XIRP2: variants seen among roughly 807,000 people sequenced by gnomAD.
XIRP2 encodes xin actin-binding repeat-containing protein 2.
Under a neutral mutation model 277.0 loss-of-function variants are expected in XIRP2, and 236 were observed. The ratio of observed to expected loss-of-function variants is 0.85; its 90% CI spans 0.77 to 0.95. The LOEUF is 0.95. Ranked by LOEUF, XIRP2 falls within the 40% of genes least tolerant of loss-of-function variation. The pLI, the probability that XIRP2 is intolerant of heterozygous loss-of-function variation, is 0.00. For missense variants in XIRP2, 4,640 were observed against 4,157.5 expected (o/e 1.12, Z -3.19); for synonymous variants, 1,490 against 1,416.5 (o/e 1.05, Z -1.17).
intron 5 of XIRP2, among the ~76,000 whole-genome samples, chr2:167,223,818 T>G (rs1339009225): frequency 6.6e-6 from 1 of 152,178 alleles, no homozygotes; most frequent in Non-Finnish European, 1.5e-5. Context: ...AAAGTGATTC[T>G]TATAACTTAA....
chr2:166,897,448 C>T (rs755514586), intron 1 of XIRP2, among the ~76,000 whole-genome samples: 11 of 152,006 alleles, frequency 7.2e-5, no homozygotes, highest in East Asian at 1.9e-4. Flanking sequence ...AACATATCAC[C>T]GTGACCTACT....
At chr2:167,218,138 A>G in intron 4 of XIRP2, 28 bp from the exon 5 acceptor site, 1 of 1,509,482 alleles carries the variant, frequency 6.6e-7, no homozygotes, top group Non-Finnish European at 8.9e-7. Flanking sequence ...TGTAAAGCTG[A>G]ATTTTCCTTT....
intron 5 of XIRP2, among the ~76,000 whole-genome samples, chr2:167,228,558 G>GA (rs1042500844): frequency 1.3e-5 from 2 of 151,858 alleles, no homozygotes; most frequent in African/African-American, 4.8e-5. Flanking sequence ...TTACTTTGCT[G>GA]AAAAAAAACT....
At chr2:167,212,056 A>G (rs1012689836) in intron 4 of XIRP2, among the ~76,000 whole-genome samples, 3 of 152,204 alleles carry the variant, frequency 2.0e-5, no homozygotes, top group Non-Finnish European at 4.4e-5. Context: ...TTTAGAGACA[A>G]GGCTGACTGT....
intron 3 of XIRP2, among the ~76,000 whole-genome samples, chr2:167,148,350 C>G (rs529045489): frequency 9.1e-5 from 13 of 142,814 alleles, no homozygotes; most frequent in Admixed American, 1.4e-4. Context: ...CCATTGCACT[C>G]CAGTGTGGGT....
intron 2 of XIRP2, among the ~76,000 whole-genome samples, chr2:167,091,129 G>A (rs1558976663): frequency 6.6e-6 from 1 of 152,072 alleles, no homozygotes; most frequent in South Asian, 2.1e-4. Context: ...GAGCTGGAAT[G>A]CTACTTCTTT....
intron 5 of XIRP2, among the ~76,000 whole-genome samples, chr2:167,227,440 C>A (rs1014580414): frequency 6.6e-6 from 1 of 152,126 alleles, no homozygotes; most frequent in African/African-American, 2.4e-5. Flanking sequence ...ATAATCCCAG[C>A]ACTTTGGGAG....
In XIRP2 at chr2:167,244,698, A is replaced by G; in HGVS notation, c.3306A>G (p.Pro1102=). ...GTAAATGGCTTTTTGAGACCCAGCC[A>G]ATGGAGTCTCTTTATGAAAAAGTTT... The part of the protein sequence containing the change: ...KTCKWLFETQ[P]MESLYEKVSL... The change falls in exon 9 of 11, where the codon CCA becomes CCG. Residue 1102 remains proline (P), a synonymous_variant. Coordinates refer to ENST00000409195, the MANE Select transcript of XIRP2 (RefSeq NM_152381.6). The G allele has an allele frequency of 6.2e-7, 1 of 1,613,546 alleles. No homozygotes were observed. Among genetic ancestry groups the G allele is most frequent in the Non-Finnish European group, 8.5e-7 (1 of 1,179,720 alleles).
chr2:167,148,120 G>A (rs368150721), intron 3 of XIRP2, among the ~76,000 whole-genome samples: 5 of 152,062 alleles, frequency 3.3e-5, no homozygotes, highest in Admixed American at 6.6e-5. Flanking sequence ...GGTGGCTCAC[G>A]ACTGTAACCT....
rs202066016 is a variant in XIRP2 at position 167,246,966 on chromosome 2, G to A, written c.5574G>A (p.Thr1858=). 613 of 1,613,370 alleles carry A rather than the reference G, an allele frequency of 3.8e-4. 1 individual carries two copies. Among genetic ancestry groups the A allele is most frequent in the Middle Eastern group, 5.0e-4 (3 of 6,060 alleles). ...AGGCTGTAAATCAGAAAACAGTGAC[G>A]AAAACAGAAGAAATTATAAAAGGTA... is the stretch of plus-strand genomic sequence containing the variant. ...LSQAVNQKTV[T]KTEEIIKGNM... is the part of the protein sequence containing the mutation. The change falls in exon 9 of 11, where the codon ACG becomes ACA. Residue 1858 remains threonine, a synonymous_variant. Coordinates refer to ENST00000409195, the MANE Select transcript of XIRP2 (RefSeq NM_152381.6).
chr2:167,188,693 T>C (rs1278090782), intron 3 of XIRP2, among the ~76,000 whole-genome samples: 2 of 152,362 alleles, frequency 1.3e-5, no homozygotes, highest in East Asian at 3.9e-4. Flanking sequence ...TTTTTTCTTC[T>C]TGCTAGCAAC....
chr2:167,185,974 T>C (rs73027827), intron 3 of XIRP2, among the ~76,000 whole-genome samples: 15,023 of 152,226 alleles, frequency 0.099, 795 homozygotes, highest in South Asian at 0.15. Flanking sequence ...ATGTTGAAAT[T>C]CTGTGATTTA....
intron 2 of XIRP2, among the ~76,000 whole-genome samples, chr2:167,057,012 G>A (rs1689052258): frequency 6.6e-6 from 1 of 152,060 alleles, no homozygotes; most frequent in Non-Finnish European, 1.5e-5. Context: ...ATGTGAACTG[G>A]TGATGATAGT....
intron 2 of XIRP2, among the ~76,000 whole-genome samples, chr2:166,952,443 C>T (rs536326481): frequency 1.8e-4 from 27 of 152,008 alleles, no homozygotes; most frequent in Admixed American, 1.5e-3. Flanking sequence ...ATTTAAGAAA[C>T]GCCCTGCAGA....
chr2:167,005,689 A>G (rs922585053), intron 2 of XIRP2, among the ~76,000 whole-genome samples: 4 of 151,766 alleles, frequency 2.6e-5, no homozygotes. Context: ...GTTAGCATGG[A>G]GCAGGATGAT....
chr2:166,910,638 T>G (rs924225612), intron 2 of XIRP2, among the ~76,000 whole-genome samples: 8 of 152,186 alleles, frequency 5.3e-5, no homozygotes, highest in African/African-American at 1.9e-4. Context: ...TCCTAGTTAT[T>G]TCTTGCCTTC....
chr2:166,976,009 A>C (rs2105426357), intron 2 of XIRP2, among the ~76,000 whole-genome samples: 1 of 151,552 alleles, frequency 6.6e-6, no homozygotes, highest in South Asian at 2.1e-4. Context: ...AGTGTATACT[A>C]AAAACTATCC....
At chr2:167,160,165 T>TA (rs1042832223) in intron 3 of XIRP2, among the ~76,000 whole-genome samples, 225 of 151,934 alleles carry the variant, frequency 1.5e-3, no homozygotes, top group African/African-American at 5.1e-3. Context: ...TGTCTCCTCA[T>TA]AAAAAAAAAT....
intron 3 of XIRP2, among the ~76,000 whole-genome samples, chr2:167,185,504 T>C (rs1164866081): frequency 6.6e-6 from 1 of 151,928 alleles, no homozygotes; most frequent in African/African-American, 2.4e-5. Context: ...AAGAAACATA[T>C]CAATAAAATG....
Sources: gnomAD v4.1 joint callset for allele counts (sites outside exome capture counted in the v4.1 genomes callset) on GRCh38, gnomAD v4.1.1 for gene constraint, MANE v1.5 for transcripts, NCBI Gene and HGNC (gene_info 2026-07-23, HGNC 2026-07-21) for gene names.